MAGI2: variants seen among roughly 807,000 people sequenced by gnomAD.
The protein encoded by MAGI2 is membrane associated guanylate kinase, WW and PDZ domain containing 2.
A neutral mutation model predicts 133.3 loss-of-function variants in MAGI2; 35 were observed. The ratio of observed to expected loss-of-function variants is 0.26; its 90% confidence interval spans 0.20 to 0.35. The LOEUF (loss-of-function observed/expected upper bound fraction) is 0.35, where lower values mean the gene tolerates loss of function less well. MAGI2 is among the 10% of genes least tolerant of loss of function. The pLI, the probability that MAGI2 is intolerant of heterozygous loss-of-function variation, is 1.00. For synonymous variants in MAGI2, 729 were observed against 710.6 expected, an observed-to-expected ratio of 1.03 and a Z score of -0.41; for missense variants, 1,636 against 1,863.4, an observed-to-expected ratio of 0.88 and a Z score of 2.25.
intron 2 of MAGI2, among the ~76,000 whole-genome samples, chr7:78,866,506 C>A (rs532520319): frequency 1.3e-5 from 2 of 152,030 alleles, no homozygotes; most frequent in African/African-American, 4.8e-5. Flanking sequence ...CTATCTCTAC[C>A]TTTCTGCTTG....
At chr7:78,640,994 A>T (rs182030997) in intron 2 of MAGI2, among the ~76,000 whole-genome samples, 1 of 152,108 alleles carries the variant, frequency 6.6e-6, no homozygotes, top group Non-Finnish European at 1.5e-5. Context: ...CCATCCTGTT[A>T]TTGTGATGAT....
intron 2 of MAGI2, among the ~76,000 whole-genome samples, chr7:78,721,840 CAA>C (rs1563408827): frequency 6.6e-6 from 1 of 151,568 alleles, no homozygotes. Flanking sequence ...TTATTTTCTT[CAA>C]GAGAAGAGAA....
chr7:78,416,529 G>A (rs749932131), intron 6 of MAGI2, among the ~76,000 whole-genome samples: 1 of 152,108 alleles, frequency 6.6e-6, no homozygotes, highest in East Asian at 1.9e-4. Flanking sequence ...TTAAGTTATA[G>A]TAATTATAGT....
intron 2 of MAGI2, among the ~76,000 whole-genome samples, chr7:78,879,139 G>T (rs1795653589): frequency 6.6e-6 from 1 of 152,120 alleles, no homozygotes; most frequent in African/African-American, 2.4e-5. Flanking sequence ...AACTCTGGAT[G>T]CTTAGTAGCC....
chr7:78,397,948 C>G (rs1292277421), intron 6 of MAGI2, among the ~76,000 whole-genome samples: 1 of 152,034 alleles, frequency 6.6e-6, no homozygotes, highest in Non-Finnish European at 1.5e-5. Flanking sequence ...TCTGGTAACA[C>G]TATAGAGTAG....
chr7:78,808,503 G>T (rs868762117), intron 2 of MAGI2, among the ~76,000 whole-genome samples: 2 of 152,172 alleles, frequency 1.3e-5, no homozygotes, highest in Non-Finnish European at 2.9e-5. Context: ...TGATCCGCCC[G>T]CCTCGGCCTC....
At position 79,262,235 on chromosome 7, in the gene MAGI2, G is replaced by T. The variant is rs549832139; in HGVS notation, c.301+190785C>A. Among the ~76,000 whole-genome samples the T allele has an allele frequency of 3.9e-5, 6 of 151,990 alleles. No individual in the cohort carries two copies. The South Asian group carries it at 1.2e-3, about 32-fold the overall frequency. The stretch of plus-strand genomic sequence containing the variant: ...AGGTAGTAAATTTCCTATACCATAG[G>T]CAGGAATAAACTCAGTTTTGTTTTA... On this transcript the variant is annotated intron_variant, in intron 1 of 21. Coordinates refer to ENST00000354212, the MANE Select transcript of MAGI2 (RefSeq NM_012301.4).
intron 2 of MAGI2, among the ~76,000 whole-genome samples, chr7:78,830,171 G>T (rs879623944): frequency 6.6e-6 from 1 of 152,022 alleles, no homozygotes; most frequent in Non-Finnish European, 1.5e-5. Context: ...TACAAGCTCA[G>T]AACTTAAAAA....
At chr7:79,402,158 T>G (rs1845511024) in intron 1 of MAGI2, among the ~76,000 whole-genome samples, 1 of 152,230 alleles carries the variant, frequency 6.6e-6, no homozygotes, top group Middle Eastern at 3.4e-3. Flanking sequence ...GCTCTATAGT[T>G]CTAGGAAAAT....
At chr7:78,750,540 TA>T (rs1823360489) in intron 2 of MAGI2, among the ~76,000 whole-genome samples, 2 of 152,178 alleles carry the variant, frequency 1.3e-5, no homozygotes, top group South Asian at 4.1e-4. Context: ...TCTTACAAGA[TA>T]ACTTCTGGAA....
At chr7:79,057,770 G>A (rs1562841895) in intron 1 of MAGI2, among the ~76,000 whole-genome samples, 1 of 152,086 alleles carries the variant, frequency 6.6e-6, no homozygotes, top group Non-Finnish European at 1.5e-5. Flanking sequence ...TGTTAATGAG[G>A]CACTGAAATC....
chr7:78,967,923 T>G (rs184734771), intron 2 of MAGI2, among the ~76,000 whole-genome samples: 43 of 152,176 alleles, frequency 2.8e-4, no homozygotes, highest in Non-Finnish European at 5.3e-4. Flanking sequence ...TTCTGCCTCC[T>G]GGGTTCAAGT....
chr7:78,873,425 T>A (rs1486050275), intron 2 of MAGI2, among the ~76,000 whole-genome samples: 3 of 151,978 alleles, frequency 2.0e-5, no homozygotes, highest in African/African-American at 7.3e-5. Context: ...AGCATTAGAT[T>A]CTCATAGTAG....
At chr7:79,430,239 T>C (rs1397519306) in intron 1 of MAGI2, among the ~76,000 whole-genome samples, 1 of 152,158 alleles carries the variant, frequency 6.6e-6, no homozygotes, top group Non-Finnish European at 1.5e-5. Context: ...TTTACTTTAT[T>C]GTGATAAAAT....
intron 6 of MAGI2, among the ~76,000 whole-genome samples, chr7:78,389,694 G>C (rs1172606253): frequency 7.5e-6 from 1 of 132,630 alleles, no homozygotes; most frequent in African/African-American, 2.7e-5. Context: ...AGTGTTTGCT[G>C]TTTGCCCCGC....
intron 1 of MAGI2, among the ~76,000 whole-genome samples, chr7:79,370,024 T>G (rs1842957811): frequency 1.3e-5 from 2 of 152,134 alleles, no homozygotes; most frequent in Admixed American, 6.5e-5. Flanking sequence ...AAATAAGGCA[T>G]GCATGAATAT....
intron 2 of MAGI2, among the ~76,000 whole-genome samples, chr7:78,812,340 C>T (rs530552859): frequency 6.6e-6 from 1 of 152,218 alleles, no homozygotes; most frequent in South Asian, 2.1e-4. Flanking sequence ...TACATGTAGC[C>T]TGCAAAATCT....
chr7:78,904,906 C>G (rs1174302260), intron 2 of MAGI2, among the ~76,000 whole-genome samples: 1 of 152,022 alleles, frequency 6.6e-6, no homozygotes, highest in Non-Finnish European at 1.5e-5. Flanking sequence ...GGCACAAAGC[C>G]TCTTTGCTTT....
intron 2 of MAGI2, among the ~76,000 whole-genome samples, chr7:78,645,086 A>C (rs1041607401): frequency 1.3e-5 from 2 of 151,992 alleles, no homozygotes; most frequent in Non-Finnish European, 2.9e-5. Context: ...CTCTGTGTAC[A>C]GTAGATAGCC....
Sources: allele counts gnomAD v4.1 joint callset (sites outside exome capture counted in the v4.1 genomes callset), GRCh38; gene constraint gnomAD v4.1.1; transcripts MANE v1.5; gene names NCBI Gene and HGNC (gene_info 2026-07-23, HGNC 2026-07-21).